Variants in LEKR1 observed in about 807,000 individuals in gnomAD.
LEKR1 encodes the protein protein LEKR1.
A neutral mutation model predicts 72.4 loss-of-function variants in LEKR1; 59 were observed. The ratio of observed to expected loss-of-function variants is 0.82; its 90% CI spans 0.66 to 1.01. LEKR1 has a LOEUF of 1.01. Ranked by LOEUF, LEKR1 falls within the 50% of genes least tolerant of loss-of-function variation. The probability of loss-of-function intolerance (pLI) is 0.00; values close to 1 mark genes in which losing one functional copy is unlikely to be tolerated. For synonymous variants in LEKR1, 257 were observed against 263.2 expected, an observed-to-expected ratio of 0.98 and a Z score of 0.23; for missense variants, 728 against 759.2, an observed-to-expected ratio of 0.96 and a Z score of 0.48.
chr3:156,917,339 T>C (rs961907563), intron 3 of LEKR1, among the ~76,000 whole-genome samples: 3 of 152,046 alleles, frequency 2.0e-5, no homozygotes, highest in African/African-American at 7.2e-5. Flanking sequence ...CTCCCTAGGG[T>C]AAATTTCTGA....
chr3:157,006,316 T>A (rs948094409), intron 9 of LEKR1, among the ~76,000 whole-genome samples: 1 of 152,228 alleles, frequency 6.6e-6, no homozygotes, highest in African/African-American at 2.4e-5. Flanking sequence ...CTACTATACA[T>A]TTTTAGAACA....
chr3:156,957,538 A>C (rs1727757352), intron 6 of LEKR1, among the ~76,000 whole-genome samples: 1 of 151,950 alleles, frequency 6.6e-6, no homozygotes, highest in African/African-American at 2.4e-5. Context: ...TACAGTGAAA[A>C]AAAAAACTCC....
chr3:157,004,479 C>T (rs1466227135), intron 9 of LEKR1, among the ~76,000 whole-genome samples: 1 of 152,064 alleles, frequency 6.6e-6, no homozygotes. Flanking sequence ...ACATAATTGA[C>T]ATTTATACAA....
At chr3:156,889,266 G>A (rs768482435) in intron 3 of LEKR1, among the ~76,000 whole-genome samples, 12 of 150,584 alleles carry the variant, frequency 8.0e-5, no homozygotes, top group Non-Finnish European at 1.2e-4. Context: ...GTTATGTTTT[G>A]CCTAATTGTA....
At chr3:156,861,968 C>G (rs1037841282) in intron 3 of LEKR1, among the ~76,000 whole-genome samples, 1 of 152,004 alleles carries the variant, frequency 6.6e-6, no homozygotes, top group East Asian at 1.9e-4. Context: ...CATGTGCAAA[C>G]AGTAAATAGA....
intron 1 of LEKR1, among the ~76,000 whole-genome samples, chr3:156,828,588 A>G (rs79687131): frequency 1.4e-5 from 2 of 146,918 alleles, no homozygotes; most frequent in Non-Finnish European, 3.0e-5. Context: ...GGAAGGATTT[A>G]AAAAAAAAAA....
chr3:156,930,433 G>A (rs1725115873), intron 5 of LEKR1, among the ~76,000 whole-genome samples: 1 of 152,002 alleles, frequency 6.6e-6, no homozygotes, highest in African/African-American at 2.4e-5. Context: ...GACAACTAGA[G>A]TCTAAAGGAT....
intron 9 of LEKR1, among the ~76,000 whole-genome samples, chr3:156,997,135 T>A (rs554411803): frequency 5.3e-5 from 8 of 152,296 alleles, no homozygotes; most frequent in African/African-American, 1.9e-4. Flanking sequence ...TGTCCTAACT[T>A]GTCTTGAAAC....
chr3:156,858,237 T>C (rs1470237061), intron 3 of LEKR1, among the ~76,000 whole-genome samples: 2 of 152,118 alleles, frequency 1.3e-5, no homozygotes, highest in Non-Finnish European at 1.5e-5. Flanking sequence ...TGCGTTTGAT[T>C]GAGAAAGAGA....
chr3:156,920,723 G>C (rs1430407535), intron 4 of LEKR1, 29 bp downstream of exon 4: 1 of 1,193,134 alleles, frequency 8.4e-7, no homozygotes, highest in South Asian at 1.5e-5. Context: ...AAATTATAAA[G>C]ATTGAAAAGA....
intron 12 of LEKR1, among the ~76,000 whole-genome samples, chr3:157,029,620 C>T (rs1309862035): frequency 1.3e-5 from 2 of 152,128 alleles, no homozygotes; most frequent in Non-Finnish European, 2.9e-5. Flanking sequence ...ATTAAGTTCT[C>T]TTGTTGTTAC....
chr3:156,999,499 A>G (rs546656004), intron 9 of LEKR1, among the ~76,000 whole-genome samples: 2 of 152,038 alleles, frequency 1.3e-5, no homozygotes, highest in South Asian at 4.2e-4. Context: ...GTGCTTCTGT[A>G]GACATTATCT....
intron 9 of LEKR1, among the ~76,000 whole-genome samples, chr3:156,998,450 T>A (rs898906055): frequency 3.3e-5 from 5 of 152,162 alleles, no homozygotes; most frequent in Non-Finnish European, 7.3e-5. Flanking sequence ...ATAATAGCTC[T>A]CATACCCTTT....
At chr3:156,884,945 C>A (rs902056252) in intron 3 of LEKR1, among the ~76,000 whole-genome samples, 3 of 151,976 alleles carry the variant, frequency 2.0e-5, no homozygotes, top group Non-Finnish European at 4.4e-5. Flanking sequence ...TTAACATAAT[C>A]CCAAATTTCT....
chr3:156,890,757 T>A (rs1164385576), intron 3 of LEKR1, among the ~76,000 whole-genome samples: 4 of 152,104 alleles, frequency 2.6e-5, no homozygotes, highest in Non-Finnish European at 5.9e-5. Context: ...GTGATCAGCT[T>A]ACCCCAAAGT....
At chr3:157,027,471 T>C (rs1408673154) in intron 11 of LEKR1, among the ~76,000 whole-genome samples, 1 of 152,114 alleles carries the variant, frequency 6.6e-6, no homozygotes, top group Non-Finnish European at 1.5e-5. Flanking sequence ...CATTTTGAGA[T>C]CCCAAAGCCA....
intron 3 of LEKR1, among the ~76,000 whole-genome samples, chr3:156,857,641 G>T (rs1192542864): frequency 6.6e-6 from 1 of 152,146 alleles, no homozygotes; most frequent in African/African-American, 2.4e-5. Context: ...TGAAAATTAT[G>T]TTGACACTCA....
At chr3:156,966,427 C>T (rs575531855) in intron 6 of LEKR1, among the ~76,000 whole-genome samples, 4 of 152,294 alleles carry the variant, frequency 2.6e-5, no homozygotes, top group South Asian at 4.1e-4. Flanking sequence ...GTCACTTCCA[C>T]CCTAATACTG....
At chr3:157,039,066 T>C (rs1469534369) in intron 12 of LEKR1, among the ~76,000 whole-genome samples, 1 of 152,166 alleles carries the variant, frequency 6.6e-6, no homozygotes, top group African/African-American at 2.4e-5. Context: ...GCATCTCGAA[T>C]CTCTTTTGTT....
Sources: gnomAD v4.1 joint callset for allele counts (sites outside exome capture counted in the v4.1 genomes callset) on GRCh38, gnomAD v4.1.1 for gene constraint, MANE v1.5 for transcripts, NCBI Gene and HGNC (gene_info 2026-07-23, HGNC 2026-07-21) for gene names.